Variants in KIF26B observed in about 807,000 individuals in gnomAD.
KIF26B encodes kinesin-like protein KIF26B.
KIF26B carries 63 observed loss-of-function variants against 151.2 expected under a neutral mutation model. The ratio of observed to expected loss-of-function variants is 0.42; its 90% CI spans 0.34 to 0.51. The LOEUF is 0.51. Among genes scored for constraint, KIF26B ranks in the 20% least tolerant of loss-of-function variants. The pLI is 0.07. For missense variants in KIF26B, 2,813 were observed against 2,913.6 expected (o/e 0.97, Z 0.79); for synonymous variants, 1,357 against 1,262.1 (o/e 1.08, Z -1.59).
chr1:245,400,437 A>C (rs1318829013), intron 3 of KIF26B, among the ~76,000 whole-genome samples: 1 of 151,830 alleles, frequency 6.6e-6, no homozygotes, highest in Non-Finnish European at 1.5e-5. Context: ...TCATAATTAT[A>C]ACCTGAGGGA....
intron 3 of KIF26B, among the ~76,000 whole-genome samples, chr1:245,385,798 G>C (rs1673529071): frequency 6.6e-6 from 1 of 152,208 alleles, no homozygotes; most frequent in Non-Finnish European, 1.5e-5. Flanking sequence ...AGACAGGGAG[G>C]TTGGCAGACC....
rs143212404 is a variant in KIF26B at position 245,450,818 on chromosome 1, T to C, written c.1166+31073T>C. Among the ~76,000 whole-genome samples the C allele has an allele frequency of 8.1e-4, 124 of 152,290 alleles. 1 individual carries two copies. Among genetic ancestry groups the C allele is most frequent in the African/African-American group, 2.9e-3 (120 of 41,570 alleles). On this transcript the variant is annotated intron_variant, in intron 4 of 14. Transcript: ENST00000407071. ...TTGAACAGTAAAAAATAAAGAGATA[T>C]AGTATGGAAAACAATGTGAAATGTG...
chr1:245,242,938 C>T (rs1228042097), intron 2 of KIF26B, among the ~76,000 whole-genome samples: 1 of 152,206 alleles, frequency 6.6e-6, no homozygotes, highest in Admixed American at 6.5e-5. Context: ...GCATGAGCCA[C>T]CGCGCCCAGC....
At chr1:245,186,340 T>C (rs1464505216) in intron 2 of KIF26B, among the ~76,000 whole-genome samples, 1 of 152,238 alleles carries the variant, frequency 6.6e-6, no homozygotes, top group Non-Finnish European at 1.5e-5. Context: ...GAATGGACCC[T>C]GCTTCCGTAA....
chr1:245,343,775 C>T (rs766292930), intron 2 of KIF26B, among the ~76,000 whole-genome samples: 14 of 152,112 alleles, frequency 9.2e-5, no homozygotes, highest in Middle Eastern at 3.2e-3. Flanking sequence ...CTGCAACCTT[C>T]CACCTGTAAA....
At position 245,446,959 on chromosome 1, in the gene KIF26B, A is replaced by G. The variant is rs536618166; in HGVS notation, c.1166+27214A>G. On this transcript the variant is annotated intron_variant, in intron 4 of 14. Transcript: ENST00000407071. ...CATTTTCTTTCATATTTGGAGAGATAGTTTCTGATTACAGCCAGTGGTCTC... is the reference window on the plus strand; with the variant it reads ...CATTTTCTTTCATATTTGGAGAGATGGTTTCTGATTACAGCCAGTGGTCTC... 2.0e-5 allele frequency among the ~76,000 whole-genome samples: 3 copies of G among 152,220 alleles called. No homozygotes were observed. In the South Asian group the frequency reaches 6.2e-4, roughly 32 times the overall value.
intron 2 of KIF26B, among the ~76,000 whole-genome samples, chr1:245,314,967 G>A (rs1671737073): frequency 6.6e-6 from 1 of 152,106 alleles, no homozygotes; most frequent in Admixed American, 6.5e-5. Flanking sequence ...GATCACCTGA[G>A]GTCGGGAGTT....
intron 10 of KIF26B, among the ~76,000 whole-genome samples, chr1:245,664,230 T>C (rs1164110874): frequency 6.6e-6 from 1 of 151,798 alleles, no homozygotes; most frequent in African/African-American, 2.4e-5. Flanking sequence ...TAGCCGGGCA[T>C]GGTGGCGGGC....
intron 4 of KIF26B, among the ~76,000 whole-genome samples, chr1:245,487,999 G>A (rs572583974): frequency 2.0e-4 from 31 of 152,160 alleles, no homozygotes; most frequent in African/African-American, 6.7e-4. Flanking sequence ...AGTCGGCCAC[G>A]TTGGTCTCGA....
intron 4 of KIF26B, among the ~76,000 whole-genome samples, chr1:245,434,597 C>T (rs1458537507): frequency 2.0e-5 from 3 of 152,158 alleles, no homozygotes; most frequent in African/African-American, 4.8e-5. Flanking sequence ...TGACTCTGCC[C>T]GAGGGTTTCC....
chr1:245,257,928 T>C (rs1295449241), intron 2 of KIF26B, among the ~76,000 whole-genome samples: 1 of 151,992 alleles, frequency 6.6e-6, no homozygotes, highest in Non-Finnish European at 1.5e-5. Context: ...AGGCTGAGGC[T>C]GGAGAATTGC....
At chr1:245,669,856 G>T (rs761421412) in intron 10 of KIF26B, among the ~76,000 whole-genome samples, 35 of 152,186 alleles carry the variant, frequency 2.3e-4, no homozygotes, top group Non-Finnish European at 4.6e-4. Flanking sequence ...CAGGGGAGCT[G>T]GAGGCCATTA....
At chr1:245,626,571 GC>G (rs2043726736) in intron 9 of KIF26B, among the ~76,000 whole-genome samples, 1 of 152,040 alleles carries the variant, frequency 6.6e-6, no homozygotes, top group Non-Finnish European at 1.5e-5. Context: ...CAGATCCTTT[GC>G]CCAATTTTTA....
rs1316167980 is a variant in KIF26B, at chr1:245,564,915, G to A, written c.1350+23965G>A. Among the ~76,000 whole-genome samples, 2 of 152,170 alleles carry A rather than the reference G, an allele frequency of 1.3e-5. No homozygotes were observed. The highest frequency in any genetic ancestry group is 2.9e-5 in the Non-Finnish European group (2 of 68,028). ...AATGCTGCTGCTGATCTGACGGGAG[G>A]CAGAGTTCAAGTGGTAACGCTTACC... On this transcript the variant is annotated intron_variant, in intron 5 of 14. Coordinates refer to ENST00000407071, the MANE Select transcript of KIF26B (RefSeq NM_018012.4). The surrounding 1 kb of genome is among the most constrained non-coding windows in gnomAD (Gnocchi z 4.6).
intron 2 of KIF26B, among the ~76,000 whole-genome samples, chr1:245,299,525 A>G (rs1671392073): frequency 6.6e-6 from 1 of 152,200 alleles, no homozygotes; most frequent in Non-Finnish European, 1.5e-5. Flanking sequence ...AAAATTAAGT[A>G]GTTTGCAAAA....
intron 4 of KIF26B, among the ~76,000 whole-genome samples, chr1:245,462,292 C>G (rs908275122): frequency 6.6e-6 from 1 of 152,102 alleles, no homozygotes; most frequent in African/African-American, 2.4e-5. Flanking sequence ...ATGTGAAAAT[C>G]CGAATCACAG....
intron 2 of KIF26B, among the ~76,000 whole-genome samples, chr1:245,162,686 C>T (rs762060724): frequency 5.9e-5 from 9 of 152,142 alleles, no homozygotes; most frequent in Non-Finnish European, 1.2e-4. Flanking sequence ...TTTTAAAGTA[C>T]ATTCGTGTAG....
chr1:245,316,840 C>CCTCCACAATCA (rs1671787135), intron 2 of KIF26B, among the ~76,000 whole-genome samples: 1 of 151,886 alleles, frequency 6.6e-6, no homozygotes, highest in African/African-American at 2.4e-5. Flanking sequence ...AGTTCAAGGA[C>CCTCCACAATCA]CCTCACAATC....
At chr1:245,421,073 G>C (rs1658473479) in intron 4 of KIF26B, among the ~76,000 whole-genome samples, 1 of 152,174 alleles carries the variant, frequency 6.6e-6, no homozygotes, top group Non-Finnish European at 1.5e-5. Context: ...CCCAACAATG[G>C]GGACCATTGT....
Sources: gnomAD v4.1 joint callset for allele counts (sites outside exome capture counted in the v4.1 genomes callset) on GRCh38, gnomAD v4.1.1 for gene constraint, Gnocchi (gnomAD v3.1) non-coding constraint, MANE v1.5 for transcripts, NCBI Gene and HGNC (gene_info 2026-07-23, HGNC 2026-07-21) for gene names.